Variants in DNAH3 observed in about 807,000 individuals in gnomAD.
DNAH3 encodes axonemal beta dynein heavy chain 3.
Under a neutral mutation model 432.5 loss-of-function variants are expected in DNAH3, and 332 were observed. The ratio of observed to expected loss-of-function variants is 0.77; its 90% CI spans 0.70 to 0.84. The LOEUF is 0.84. Ranked by LOEUF, DNAH3 falls within the 40% of genes least tolerant of loss-of-function variation. DNAH3 has a pLI of 0.00. For synonymous variants in DNAH3, 1,956 were observed against 1,900.2 expected, an observed-to-expected ratio of 1.03 and a Z score of -0.76; for missense variants, 4,861 against 5,114.0, an observed-to-expected ratio of 0.95 and a Z score of 1.51.
chr16:21,057,013 T>A (rs2090158880), intron 27 of DNAH3, among the ~76,000 whole-genome samples: 2 of 152,240 alleles, frequency 1.3e-5, no homozygotes, highest in African/African-American at 4.8e-5. Flanking sequence ...AATTAAAACA[T>A]ATTCTAATCC....
rs568000107 is a variant in DNAH3, at chr16:20,991,264, C to CT, written c.6602-3200dup. 2.5e-3 allele frequency among the ~76,000 whole-genome samples: 366 copies of CT among 145,774 alleles called. 4 individuals carry two copies. The East Asian group carries it at 0.047, about 19-fold the overall frequency. ...TCTGCCAGTTAAAACAACCACATGC[C>CT]TTTTTTTTTTTCTTTTCTGAGATGG... On this transcript the variant is annotated intron_variant, in intron 44 of 61. Transcript: ENST00000261383.
intron 1 of DNAH3, among the ~76,000 whole-genome samples, chr16:21,152,738 C>CCGGCCAG (rs1402698535): frequency 6.6e-6 from 1 of 152,246 alleles, no homozygotes; most frequent in East Asian, 1.9e-4. Flanking sequence ...GCTTAGCACC[C>CCGGCCAG]CGGCCAGCGG....
intron 41 of DNAH3, among the ~76,000 whole-genome samples, chr16:21,003,453 T>C (rs1442882858): frequency 6.6e-6 from 1 of 152,136 alleles, no homozygotes; most frequent in African/African-American, 2.4e-5. Flanking sequence ...ATTAAATTAG[T>C]TTTCATAATG....
intron 52 of DNAH3, among the ~76,000 whole-genome samples, chr16:20,966,338 T>C (rs1317834952): frequency 1.3e-5 from 2 of 151,870 alleles, no homozygotes. Context: ...CACGCCCAGC[T>C]GTGCCCAGCC....
intron 14 of DNAH3, among the ~76,000 whole-genome samples, chr16:21,109,511 G>T (rs2092021755): frequency 6.6e-6 from 1 of 152,138 alleles, no homozygotes; most frequent in Non-Finnish European, 1.5e-5. Context: ...AAAACTTATA[G>T]TACTATAAAA....
chr16:21,070,990 T>A (rs1030933122), intron 21 of DNAH3, among the ~76,000 whole-genome samples, 164 bp from the exon 22 acceptor site: 7 of 151,998 alleles, frequency 4.6e-5, no homozygotes, highest in Admixed American at 3.9e-4. Context: ...GCTTAAGGGA[T>A]CCTCCTGCCT....
At chr16:20,943,658 T>C (rs1217368846) in intron 58 of DNAH3, among the ~76,000 whole-genome samples, 2 of 152,208 alleles carry the variant, frequency 1.3e-5, no homozygotes, top group Non-Finnish European at 2.9e-5. Flanking sequence ...TCAGGGGCTT[T>C]GGCCAGCAAC....
chr16:21,102,383 C>A (rs568319353), intron 16 of DNAH3, among the ~76,000 whole-genome samples: 1 of 152,324 alleles, frequency 6.6e-6, no homozygotes, highest in South Asian at 2.1e-4. Context: ...ATTCTAAAAT[C>A]ATGCATGCAA....
chr16:21,100,746 A>C (rs4783379), intron 16 of DNAH3, among the ~76,000 whole-genome samples: 25,342 of 152,108 alleles, frequency 0.17, 2,517 homozygotes, highest in South Asian at 0.24. Flanking sequence ...GGAGAGAGGC[A>C]ATGCTTATTA....
chr16:21,070,937 T>G (rs557485251), intron 21 of DNAH3, 111 bp from the exon 22 acceptor site: 2 of 684,098 alleles, frequency 2.9e-6, no homozygotes, highest in African/African-American at 3.6e-5. Context: ...CAGGCCTGAG[T>G]GCAATGGCTC....
chr16:21,059,219 A>G (rs1232128140), intron 26 of DNAH3, among the ~76,000 whole-genome samples: 4 of 152,180 alleles, frequency 2.6e-5, no homozygotes, highest in African/African-American at 9.7e-5. Context: ...AGTTGAAAAT[A>G]TTTACTATCT....
At chr16:21,021,547 T>G (rs1279431979) in intron 40 of DNAH3, among the ~76,000 whole-genome samples, 1 of 152,154 alleles carries the variant, frequency 6.6e-6, no homozygotes, top group Admixed American at 6.5e-5. Context: ...AAAGGCTTGC[T>G]TGTTCTAGAT....
At chr16:21,087,906 T>C (rs1249097240) in intron 18 of DNAH3, among the ~76,000 whole-genome samples, 1 of 152,104 alleles carries the variant, frequency 6.6e-6, no homozygotes, top group African/African-American at 2.4e-5. Context: ...AAAAAATATA[T>C]GTATTTTAAA....
intron 41 of DNAH3, among the ~76,000 whole-genome samples, chr16:21,011,861 C>T (rs898513974): frequency 5.3e-5 from 8 of 152,104 alleles, no homozygotes; most frequent in African/African-American, 1.9e-4. Context: ...AATAAAATTG[C>T]TCACATTTAT....
Position 20,979,557 on chromosome 16 carries a change from C to T in DNAH3, c.7860-11G>A, listed in dbSNP as rs891279196. 3.1e-6 allele frequency: 5 copies of T among 1,613,582 alleles called. No homozygotes were observed. Among genetic ancestry groups the T allele is most frequent in the African/African-American group, 1.3e-5 (1 of 74,872 alleles). ...CACATGGACACGACCCTGCCGAGGA[C>T]ACCAAGGCGGTTAGGCAGGACCCAA... On this transcript the variant is annotated splice_polypyrimidine_tract_variant and intron_variant, in intron 49 of 61. Coordinates refer to ENST00000261383, the Ensembl canonical transcript of DNAH3.
chr16:20,980,669 T>C (rs1371285392), intron 49 of DNAH3, among the ~76,000 whole-genome samples: 2 of 152,036 alleles, frequency 1.3e-5, no homozygotes, highest in Non-Finnish European at 2.9e-5. Flanking sequence ...ATTATAGGCA[T>C]GAAACACCAT....
chr16:21,089,739 C>T (rs1038446506), intron 18 of DNAH3, among the ~76,000 whole-genome samples: 3 of 151,602 alleles, frequency 2.0e-5, no homozygotes, highest in Non-Finnish European at 4.4e-5. Flanking sequence ...AATAAATCAT[C>T]CAAGTTTCTA....
At chr16:21,069,007 C>T (rs751705734) in intron 23 of DNAH3, among the ~76,000 whole-genome samples, 7 of 151,968 alleles carry the variant, frequency 4.6e-5, no homozygotes, top group African/African-American at 7.3e-5. Context: ...TCACTGCAAC[C>T]GCCGCCTCCT....
intron 40 of DNAH3, among the ~76,000 whole-genome samples, chr16:21,021,640 TG>T (rs1243430106): frequency 6.6e-6 from 1 of 152,130 alleles, no homozygotes; most frequent in Non-Finnish European, 1.5e-5. Flanking sequence ...CCAGGCGCTG[TG>T]GCTTATGCCT....
Sources: gnomAD v4.1 joint callset for allele counts (sites outside exome capture counted in the v4.1 genomes callset) on GRCh38, gnomAD v4.1.1 for gene constraint, MANE v1.5 for transcripts, NCBI Gene and HGNC (gene_info 2026-07-23, HGNC 2026-07-21) for gene names.